CNKSR3: variants seen among roughly 807,000 people sequenced by gnomAD.
CNKSR3 encodes the protein CNKSR family member 3.
Under a neutral mutation model 67.7 loss-of-function variants are expected in CNKSR3, and 36 were observed. The observed-to-expected ratio is 0.53, with a 90% CI of 0.41 to 0.70. The LOEUF is 0.70. Among genes scored for constraint, CNKSR3 ranks in the 30% least tolerant of loss-of-function variants. CNKSR3 has a pLI of 0.00. For missense variants in CNKSR3, 630 were observed against 695.2 expected (o/e 0.91, Z 1.05); for synonymous variants, 281 against 271.4 (o/e 1.04, Z -0.35).
intron 1 of CNKSR3, among the ~76,000 whole-genome samples, chr6:154,455,710 A>C (rs4870291): frequency 0.72 from 110,182 of 152,122 alleles, 40,476 homozygotes; most frequent in East Asian, 0.87. Flanking sequence ...GCATAAGCCA[A>C]CATGCCTGGC....
intron 1 of CNKSR3, among the ~76,000 whole-genome samples, chr6:154,493,588 A>G (rs1318002143): frequency 1.3e-5 from 2 of 152,178 alleles, no homozygotes. Context: ...GCCTGTATTT[A>G]TCCATTCTCA....
In CNKSR3 at chr6:154,392,604, T is replaced by C. The variant is rs906447301; in HGVS notation, c.*13750A>G. ...CTTGTGGGGATTGTAAGCTCTATGATGAAGGAGGCACCAGCCTCTCTATTG... is the reference window on the plus strand; with the variant it reads ...CTTGTGGGGATTGTAAGCTCTATGACGAAGGAGGCACCAGCCTCTCTATTG... On this transcript the variant is annotated 3_prime_UTR_variant, in exon 13 of 13. Coordinates refer to ENST00000607772, the MANE Select transcript of CNKSR3 (RefSeq NM_173515.4). 2.6e-5 allele frequency: 4 copies of C among 152,250 alleles called. No individual in the cohort carries two copies. Among genetic ancestry groups the C allele is most frequent in the Non-Finnish European group, 5.9e-5 (4 of 68,048 alleles). 9.4% of individuals were successfully genotyped at this position (152,250 alleles called of 1,614,324 possible).
In CNKSR3 at chr6:154,401,911, C is replaced by T. The variant is rs1784721157; in HGVS notation, c.*4443G>A. The T allele has an allele frequency of 1.3e-5, 2 of 152,060 alleles. No homozygotes were observed. The highest frequency in any genetic ancestry group is 4.8e-5 in the African/African-American group (2 of 41,380). 9.4% of individuals were successfully genotyped at this position (152,060 alleles called of 1,614,324 possible). On this transcript the variant is annotated 3_prime_UTR_variant, in exon 13 of 13. Coordinates refer to ENST00000607772, the MANE Select transcript of CNKSR3 (RefSeq NM_173515.4). ...GCGGATGAAAAGTTTTGTGTCAATACCTCAGGGTTTGCTGCAATACTAACA... is the reference window on the plus strand; with the variant it reads ...GCGGATGAAAAGTTTTGTGTCAATATCTCAGGGTTTGCTGCAATACTAACA...
At chr6:154,472,178 A>AAC (rs1273054129) in intron 1 of CNKSR3, among the ~76,000 whole-genome samples, 2 of 152,016 alleles carry the variant, frequency 1.3e-5, no homozygotes, top group Non-Finnish European at 2.9e-5. Flanking sequence ...ATTTAAAAAA[A>AAC]ACACACACAC....
rs1784884399 is a variant in CNKSR3, at chr6:154,410,355, G to C, written c.1357C>G (p.His453Asp). Reference protein sequence around the residue: ...IVDPFARPRGHGRKGEDALCR... With the variant: ...IVDPFARPRGDGRKGEDALCR... ...GGATGAAACGTACCTTTCCTGCCAT[G>C]ACCTCGAGGTCTGGCAAAAGGGTCC... The change falls in exon 12 of 13, where the codon CAT (histidine) becomes GAT (aspartate). Residue 453 changes from histidine (H) to aspartate (D), a missense_variant. His to Asp is a moderately conservative substitution (Grantham distance 81). Coordinates refer to ENST00000607772, the MANE Select transcript of CNKSR3 (RefSeq NM_173515.4). 1 of 1,613,510 alleles carries C rather than the reference G, an allele frequency of 6.2e-7. No individual in the cohort carries two copies. Among genetic ancestry groups the C allele is most frequent in the Non-Finnish European group, 8.5e-7 (1 of 1,179,514 alleles).
In CNKSR3 at chr6:154,416,037, T is replaced by C. The variant is rs1785017961; in HGVS notation, c.946-1614A>G. 2.6e-5 allele frequency among the ~76,000 whole-genome samples: 4 copies of C among 152,066 alleles called. No individual in the cohort carries two copies. The South Asian group carries it at 8.3e-4, about 32-fold the overall frequency. On this transcript the variant is annotated intron_variant, in intron 9 of 12. Transcript: ENST00000607772. ...ACACACCTGTAATAATCCCAACACT[T>C]TGGGAGTCTGAGGCAGGTAGATCAC...
At chr6:154,477,471 C>T (rs1786476628) in intron 1 of CNKSR3, among the ~76,000 whole-genome samples, 1 of 125,654 alleles carries the variant, frequency 8.0e-6, no homozygotes, top group African/African-American at 3.0e-5. Context: ...CCACAAAGCC[C>T]AGCAATTTTT....
At chr6:154,466,795 T>G (rs1356928501) in intron 1 of CNKSR3, among the ~76,000 whole-genome samples, 9 of 86,742 alleles carry the variant, frequency 1.0e-4, no homozygotes, top group Non-Finnish European at 1.8e-4. Flanking sequence ...AATTTTTTTG[T>G]TTTTTTTTTT....
chr6:154,425,675 A>G (rs1388725634), intron 7 of CNKSR3, among the ~76,000 whole-genome samples: 1 of 151,876 alleles, frequency 6.6e-6, no homozygotes, highest in Admixed American at 6.6e-5. Context: ...AACATCAGAC[A>G]CTGCTTGTCT....
chr6:154,498,331 A>T (rs887473874), intron 1 of CNKSR3, among the ~76,000 whole-genome samples: 10 of 151,472 alleles, frequency 6.6e-5, no homozygotes, highest in Admixed American at 5.9e-4. Flanking sequence ...TGGTCCATAG[A>T]TATGTTTTGT....
intron 1 of CNKSR3, among the ~76,000 whole-genome samples, chr6:154,471,113 C>T (rs990743579): frequency 2.0e-5 from 3 of 152,202 alleles, no homozygotes; most frequent in Non-Finnish European, 2.9e-5. Flanking sequence ...TATTCCCAAA[C>T]TTCAGTCATT....
chr6:154,408,124 A>C (rs999829922), intron 12 of CNKSR3, among the ~76,000 whole-genome samples: 1 of 152,134 alleles, frequency 6.6e-6, no homozygotes, highest in Non-Finnish European at 1.5e-5. Flanking sequence ...TCCCAGGTTC[A>C]AGAGATTCTC....
chr6:154,452,284 C>A (rs910074738), intron 1 of CNKSR3, among the ~76,000 whole-genome samples: 1 of 152,194 alleles, frequency 6.6e-6, no homozygotes, highest in Non-Finnish European at 1.5e-5. Context: ...TTCTCGCAAA[C>A]ACGAGATTAT....
At chr6:154,415,533 T>C (rs1785007637) in intron 9 of CNKSR3, among the ~76,000 whole-genome samples, 1 of 152,052 alleles carries the variant, frequency 6.6e-6, no homozygotes, top group Admixed American at 6.5e-5. Context: ...GCACAGCCCT[T>C]ATTAGCTGTT....
chr6:154,422,879 T>G, intron 8 of CNKSR3, 36 bp downstream of exon 8: 5 of 1,507,816 alleles, frequency 3.3e-6, no homozygotes, highest in Non-Finnish European at 4.5e-6. Context: ...TTAAAAGTTT[T>G]AAGGAGGAAA....
In CNKSR3 at chr6:154,405,251, C is replaced by T. The variant is rs1784763849; in HGVS notation, c.*1103G>A. The T allele has an allele frequency of 6.6e-6, 1 of 152,634 alleles. No individual in the cohort carries two copies. The highest frequency in any genetic ancestry group is 2.1e-4 in the South Asian group (1 of 4,834). The allele number at this position is 152,634 out of a possible 1,614,324, so 9.5% of individuals were successfully genotyped here. A position where few individuals can be genotyped will look rare whatever the true frequency, so the allele number is the denominator to read the frequency against. The stretch of plus-strand genomic sequence containing the variant: ...AAAATGCCTTGCACTTTCTTTTTCA[C>T]TAGCTTCGTGTATGACGCAAAACAG... On this transcript the variant is annotated 3_prime_UTR_variant, in exon 13 of 13. Transcript: ENST00000607772.
At position 154,399,990 on chromosome 6, in the gene CNKSR3, GT is replaced by G. The variant is rs1338979001; in HGVS notation, c.*6363del. On this transcript the variant is annotated 3_prime_UTR_variant, in exon 13 of 13. Transcript: ENST00000607772. ...ATCATTTCTTCACAAACATCTGAAT[GT>G]TTATGCTCCAGGCAAGAGGAGAGAA... 3.9e-5 allele frequency: 6 copies of G among 152,126 alleles called. No individual in the cohort carries two copies. Among genetic ancestry groups the G allele is most frequent in the African/African-American group, 1.4e-4 (6 of 41,420 alleles). 9.4% of individuals were successfully genotyped at this position (152,126 alleles called of 1,614,324 possible). A position where few individuals can be genotyped will look rare whatever the true frequency, so the allele number is the denominator to read the frequency against.
chr6:154,493,200 T>C (rs961521994), intron 1 of CNKSR3, among the ~76,000 whole-genome samples: 2 of 152,126 alleles, frequency 1.3e-5, no homozygotes, highest in African/African-American at 4.8e-5. Flanking sequence ...GCTGTTCCCT[T>C]TGTCAAGAAC....
chr6:154,397,345 CA>C lies in CNKSR3; in HGVS notation c.*9008del, dbSNP rs1194298720. 1 of 152,134 alleles carries C rather than the reference CA, an allele frequency of 6.6e-6. No individual in the cohort carries two copies. The highest frequency in any genetic ancestry group is 1.5e-5 in the Non-Finnish European group (1 of 68,024). The allele number at this position is 152,134 out of a possible 1,614,324, so 9.4% of individuals were successfully genotyped here. On this transcript the variant is annotated 3_prime_UTR_variant, in exon 13 of 13. Transcript: ENST00000607772. ...TCCATTTATTTAAGTGCCTTAAAAACAAAAGGAGAAGCAAAACCCTGAAAGA... is the reference window on the plus strand; with the variant it reads ...TCCATTTATTTAAGTGCCTTAAAAACAAAGGAGAAGCAAAACCCTGAAAGA...
Sources: gnomAD v4.1 joint callset for allele counts (sites outside exome capture counted in the v4.1 genomes callset) on GRCh38, gnomAD v4.1.1 for gene constraint, MANE v1.5 for transcripts, NCBI Gene and HGNC (gene_info 2026-07-23, HGNC 2026-07-21) for gene names.